Variants in HOGA1 observed in about 807,000 individuals in gnomAD.
HOGA1 encodes the protein 4-hydroxy-2-oxoglutarate aldolase, mitochondrial.
In HOGA1, 30 loss-of-function variants were observed where a neutral mutation model predicts 34.3. The ratio of observed to expected loss-of-function variants is 0.87; its 90% CI spans 0.65 to 1.19. The LOEUF is 1.19. HOGA1 is among the 50% of genes most tolerant of loss of function. The pLI is 0.00. For missense variants in HOGA1, 417 were observed against 436.5 expected, an observed-to-expected ratio of 0.96 and a Z score of 0.40; for synonymous variants, 161 against 174.0, an observed-to-expected ratio of 0.93 and a Z score of 0.59.
At chr10:97,599,598 G>A (rs542522849) in intron 3 of HOGA1, 82 bp from the exon 4 acceptor site, 2 of 1,576,656 alleles carry the variant, frequency 1.3e-6, no homozygotes, top group East Asian at 2.2e-5. Context: ...AGCAGGCTGG[G>A]ACCTGTGGGT....
At chr10:97,596,127 C>T (rs1175962859) in intron 1 of HOGA1, among the ~76,000 whole-genome samples, 1 of 152,226 alleles carries the variant, frequency 6.6e-6, no homozygotes, top group Non-Finnish European at 1.5e-5. Flanking sequence ...GCCCTGACTA[C>T]GCCACACTCC....
intron 6 of HOGA1, among the ~76,000 whole-genome samples, chr10:97,608,098 T>C (rs528414862): frequency 2.0e-5 from 3 of 151,964 alleles, no homozygotes; most frequent in Non-Finnish European, 2.9e-5. Flanking sequence ...TCATTTGAGC[T>C]CAGGAGTTTG....
At chr10:97,598,683 G>T in intron 1 of HOGA1, 92 bp from the exon 2 acceptor site, 1 of 1,489,832 alleles carries the variant, frequency 6.7e-7, no homozygotes, top group Non-Finnish European at 9.4e-7. Flanking sequence ...AAGGAAATGT[G>T]TGAAAGATTA....
chr10:97,600,296 A>C, intron 5 of HOGA1, 133 bp downstream of exon 5: 2 of 791,952 alleles, frequency 2.5e-6, no homozygotes, highest in Non-Finnish European at 4.4e-6. Context: ...CACTCTGAAA[A>C]CTCAGAAACC....
At chr10:97,593,761 C>A (rs1034434850) in intron 1 of HOGA1, among the ~76,000 whole-genome samples, 1 of 152,090 alleles carries the variant, frequency 6.6e-6, no homozygotes, top group African/African-American at 2.4e-5. Context: ...GCTGGGTAGC[C>A]GACTTGAGCT....
At chr10:97,602,237 C>T in intron 6 of HOGA1, 2 of 1,493,394 alleles carry the variant, frequency 1.3e-6, no homozygotes, top group South Asian at 1.2e-5. Flanking sequence ...AATTAAAGTT[C>T]CAACTTTTGG....
chr10:97,606,022 C>G (rs148985061), intron 6 of HOGA1, among the ~76,000 whole-genome samples: 1 of 151,254 alleles, frequency 6.6e-6, no homozygotes, highest in Non-Finnish European at 1.5e-5. Flanking sequence ...TGGTGGCTCA[C>G]GCCTATAATC....
intron 1 of HOGA1, among the ~76,000 whole-genome samples, chr10:97,587,753 G>T (rs1245087495): frequency 6.6e-6 from 1 of 152,204 alleles, no homozygotes; most frequent in Non-Finnish European, 1.5e-5. Flanking sequence ...CGGTCCGCCG[G>T]CCTCGGCCTC....
At chr10:97,589,974 C>A in intron 1 of HOGA1, 2 of 1,614,104 alleles carry the variant, frequency 1.2e-6, no homozygotes, top group Non-Finnish European at 1.7e-6. Flanking sequence ...TCACCAGAAT[C>A]CCATAAAGCA....
chr10:97,591,784 C>T (rs1054231481), intron 1 of HOGA1, among the ~76,000 whole-genome samples: 3 of 145,186 alleles, frequency 2.1e-5, no homozygotes, highest in Admixed American at 1.4e-4. Flanking sequence ...GGAACCACAC[C>T]TGGCTAATTT....
In HOGA1 at chr10:97,598,929, G is replaced by C. The variant is rs74155508; in HGVS notation, c.340+26G>C. 5.2e-3 allele frequency: 8,340 copies of C among 1,612,912 alleles called. 350 individuals carry two copies. In the African/African-American group the frequency reaches 0.092, roughly 18 times the overall value. On this transcript the variant is annotated intron_variant, in intron 2 of 6. Coordinates refer to ENST00000370646, the MANE Select transcript of HOGA1 (RefSeq NM_138413.4). ...GTGAGCCAGAATGCCCTGGGCCCTG[G>C]GGGTGGGTGGATGTGCAGGATCCAG...
chr10:97,585,057 G>GGGGAGACTGGTCTGGAGTC, intron 1 of HOGA1, 143 bp downstream of exon 1: 1 of 704,330 alleles, frequency 1.4e-6, no homozygotes, highest in Middle Eastern at 3.9e-4. Context: ...GAGAGGAACA[G>GGGGAGACTGGTCTGGAGTC]GGGAGACTGG....
At chr10:97,585,649 A>G (rs7070104) in intron 1 of HOGA1, among the ~76,000 whole-genome samples, 30,561 of 152,184 alleles carry the variant, frequency 0.2, 3,527 homozygotes, top group Non-Finnish European at 0.26. Context: ...TCACTGCCCA[A>G]GGTCATTCGG....
At chr10:97,593,159 C>T (rs1242831756) in intron 1 of HOGA1, among the ~76,000 whole-genome samples, 1 of 151,900 alleles carries the variant, frequency 6.6e-6, no homozygotes, top group Non-Finnish European at 1.5e-5. Context: ...GCTAATTTTC[C>T]AGATCAAGTC....
At chr10:97,594,071 G>A (rs1225958851) in intron 1 of HOGA1, among the ~76,000 whole-genome samples, 5 of 151,598 alleles carry the variant, frequency 3.3e-5, no homozygotes, top group Admixed American at 6.6e-5. Context: ...GTTTCACCAC[G>A]TTGGCCAGGC....
chr10:97,597,874 T>C (rs7913812), intron 1 of HOGA1, among the ~76,000 whole-genome samples: 29,361 of 151,968 alleles, frequency 0.19, 2,920 homozygotes, highest in Non-Finnish European at 0.2. Context: ...CACTTGAACC[T>C]GGGGGGCTAA....
intron 1 of HOGA1, among the ~76,000 whole-genome samples, chr10:97,593,991 C>T (rs2135717893): frequency 6.6e-6 from 1 of 152,128 alleles, no homozygotes; most frequent in Non-Finnish European, 1.5e-5. Flanking sequence ...GCCTCAGCCT[C>T]CCGAATAGCT....
intron 6 of HOGA1, 179 bp downstream of exon 6, chr10:97,602,169 A>G: frequency 6.5e-7 from 1 of 1,548,584 alleles, no homozygotes; most frequent in Non-Finnish European, 8.7e-7. Context: ...GACTTCGGAC[A>G]AAGTCGAGCA....
chr10:97,601,943 G>T lies in HOGA1; in HGVS notation c.787G>T (p.Glu263Ter), dbSNP rs766236522. 7 of 1,613,276 alleles carry T rather than the reference G, an allele frequency of 4.3e-6. No homozygotes were observed. Among genetic ancestry groups the T allele is most frequent in the Non-Finnish European group, 4.2e-6 (5 of 1,179,936 alleles). The stretch of plus-strand genomic sequence containing the variant: ...GCGACTGTGCTGCACGGGGCAATGG[G>T]AAGATGCCCAGAAACTGCAGCACCG... ...LERLCCTGQWEDAQKLQHRLI... is the reference protein window; with the variant it reads ...LERLCCTGQW The change falls in exon 6 of 7, where the codon GAA becomes TAA. Residue 263 changes from glutamate to a stop codon, truncating the protein, a stop_gained. Transcript: ENST00000370646. LOFTEE classifies it high-confidence loss of function.
Sources: gnomAD v4.1 joint callset for allele counts (sites outside exome capture counted in the v4.1 genomes callset) on GRCh38, gnomAD v4.1.1 for gene constraint, MANE v1.5 for transcripts, NCBI Gene and HGNC (gene_info 2026-07-23, HGNC 2026-07-21) for gene names.